PKIB: variants seen among roughly 807,000 people sequenced by gnomAD.
PKIB encodes PKI-beta.
A neutral mutation model predicts 4.5 loss-of-function variants in PKIB; 2 were observed. The observed-to-expected ratio is 0.44, with a 90% CI of 0.18 to 1.39. The LOEUF is 1.39. Ranked by LOEUF, PKIB falls within the 40% of genes most tolerant of loss-of-function variation. The pLI, the probability that PKIB is intolerant of heterozygous loss-of-function variation, is 0.27. For missense variants in PKIB, 94 were observed against 92.6 expected (o/e 1.02, Z -0.06); for synonymous variants, 38 against 36.0 (o/e 1.06, Z -0.20).
chr6:122,548,800 G>T (rs1479362012), intron 2 of PKIB, among the ~76,000 whole-genome samples: 1 of 152,104 alleles, frequency 6.6e-6, no homozygotes. Flanking sequence ...TATTTTGATT[G>T]TGTTTTTATT....
At chr6:122,474,134 AAAAC>A (rs1005739827) in intron 1 of PKIB, among the ~76,000 whole-genome samples, 16 of 152,242 alleles carry the variant, frequency 1.1e-4, no homozygotes, top group African/African-American at 2.2e-4. Context: ...ACTCTGTCTC[AAAAC>A]AAACAAACAA....
Position 122,599,799 on chromosome 6 carries a change from C to T in PKIB, c.-161+13792C>T, listed in dbSNP as rs73549380. Among the ~76,000 whole-genome samples the T allele has an allele frequency of 5.5e-3, 831 of 152,180 alleles. 6 individuals carry two copies. The highest frequency in any genetic ancestry group is 0.018 in the African/African-American group (756 of 41,516). On this transcript the variant is annotated intron_variant, in intron 3 of 6. Transcript: ENST00000392491. ...CTAAGCACTATCAGTGTTCTCTATA[C>T]TATTAGTAGTAGAGTCCCTAGCATT... is the stretch of plus-strand genomic sequence containing the variant.
At chr6:122,639,269 A>G (rs1776039478) in intron 2 of PKIB, among the ~76,000 whole-genome samples, 1 of 152,214 alleles carries the variant, frequency 6.6e-6, no homozygotes, top group African/African-American at 2.4e-5. Flanking sequence ...AAAACAACCA[A>G]CAAACAAAGG....
At position 122,623,869 on chromosome 6, in the gene PKIB, A is replaced by C. The variant is rs539553948; in HGVS notation, c.-160-9414A>C. Among the ~76,000 whole-genome samples, 3 of 151,932 alleles carry C rather than the reference A, an allele frequency of 2.0e-5. No individual in the cohort carries two copies. The South Asian group carries it at 6.2e-4, about 32-fold the overall frequency. On this transcript the variant is annotated intron_variant, in intron 1 of 4. Coordinates refer to ENST00000368452, the MANE Select transcript of PKIB (RefSeq NM_181795.3). ...TTTTACTGTTTCTATCATATATTTC[A>C]TTGGCAGGAGCAATCTGTTTATCTT...
intron 2 of PKIB, among the ~76,000 whole-genome samples, chr6:122,571,543 G>A (rs1773367486): frequency 6.6e-6 from 1 of 152,208 alleles, no homozygotes; most frequent in Non-Finnish European, 1.5e-5. Context: ...CAGACTAACA[G>A]CAGATTTCTC....
intron 2 of PKIB, among the ~76,000 whole-genome samples, chr6:122,573,521 C>CAAAAAAAAAAAAAAAAAA (rs61014475): frequency 1.1e-5 from 1 of 87,590 alleles, no homozygotes; most frequent in African/African-American, 4.3e-5. Context: ...GACTCTGTCT[C>CAAAAAAAAAAAAAAAAAA]AAAAAAAAAA....
chr6:122,646,646 C>G (rs1582772206), intron 2 of PKIB, among the ~76,000 whole-genome samples: 1 of 152,060 alleles, frequency 6.6e-6, no homozygotes, highest in Non-Finnish European at 1.5e-5. Flanking sequence ...TTATTAGATT[C>G]TTTACAATGG....
chr6:122,641,453 T>C (rs1490952517), intron 2 of PKIB, among the ~76,000 whole-genome samples: 1 of 152,052 alleles, frequency 6.6e-6, no homozygotes, highest in Non-Finnish European at 1.5e-5. Context: ...CTTTTGAAAA[T>C]GGCAAAAGCT....
intron 3 of PKIB, among the ~76,000 whole-genome samples, chr6:122,715,429 G>A (rs1779445633): frequency 6.6e-6 from 1 of 151,854 alleles, no homozygotes; most frequent in Non-Finnish European, 1.5e-5. Context: ...GGACAGAGTG[G>A]AGGCCAGAAA....
intron 2 of PKIB, among the ~76,000 whole-genome samples, chr6:122,634,865 C>T (rs2114830724): frequency 6.6e-6 from 1 of 151,728 alleles, no homozygotes; most frequent in Admixed American, 6.6e-5. Flanking sequence ...TGGTGTGAAC[C>T]CGGGAGGCGG....
In PKIB at chr6:122,494,408, G is replaced by T. The variant is rs185498819; in HGVS notation, c.-248+16469G>T. 5.3e-5 allele frequency among the ~76,000 whole-genome samples: 8 copies of T among 152,298 alleles called. No individual in the cohort carries two copies. In the East Asian group the frequency reaches 7.7e-4, roughly 15 times the overall value. On this transcript the variant is annotated intron_variant, in intron 2 of 6. Transcript: ENST00000392491. ...TGGCAGGTGTTCAGAAGTATGTAGG[G>T]CTGTTTTTGTTGTCACAGTAACTGA...
chr6:122,507,796 T>C (rs1335148500), intron 2 of PKIB, among the ~76,000 whole-genome samples: 6 of 151,942 alleles, frequency 3.9e-5, no homozygotes, highest in Non-Finnish European at 8.8e-5. Flanking sequence ...TAACTTTTCC[T>C]CTTTTTTAGG....
chr6:122,678,361 C>T (rs1341499870), intron 3 of PKIB, among the ~76,000 whole-genome samples: 1 of 152,190 alleles, frequency 6.6e-6, no homozygotes, highest in Non-Finnish European at 1.5e-5. Context: ...GACAGGACTT[C>T]TGTTCCTATA....
chr6:122,487,965 T>G (rs192628160), intron 2 of PKIB, among the ~76,000 whole-genome samples: 1 of 152,318 alleles, frequency 6.6e-6, no homozygotes, highest in African/African-American at 2.4e-5. Context: ...AAGTGATATC[T>G]TCCAGGTTTC....
chr6:122,659,901 T>A (rs1166435315), intron 2 of PKIB, among the ~76,000 whole-genome samples: 1 of 152,126 alleles, frequency 6.6e-6, no homozygotes, highest in Non-Finnish European at 1.5e-5. Context: ...GGAACTTTTA[T>A]GTGAAAAGAC....
chr6:122,587,448 T>C lies in PKIB; in HGVS notation c.-161+1441T>C, dbSNP rs1248192737. ...TCATTGTTGGACATTAGGGTTGGTT[T>C]CAAGTCTTTGCTATTGTGAATAGTG... is the stretch of plus-strand genomic sequence containing the variant. On this transcript the variant is annotated intron_variant, in intron 3 of 6. Coordinates refer to the PKIB transcript ENST00000392491. 1.3e-4 allele frequency among the ~76,000 whole-genome samples: 20 copies of C among 152,284 alleles called. No individual in the cohort carries two copies. In the South Asian group the frequency reaches 2.5e-3, roughly 19 times the overall value.
At chr6:122,683,400 C>T (rs900477635) in intron 3 of PKIB, among the ~76,000 whole-genome samples, 23 of 151,974 alleles carry the variant, frequency 1.5e-4, no homozygotes, top group African/African-American at 5.1e-4. Context: ...TCCTAAATTA[C>T]CAGATCTTGA....
chr6:122,494,566 C>T (rs538044681), intron 2 of PKIB, among the ~76,000 whole-genome samples: 2 of 152,240 alleles, frequency 1.3e-5, no homozygotes, highest in Admixed American at 1.3e-4. Context: ...TTTTGTGGTT[C>T]CAGAACAGGT....
At chr6:122,671,701 T>A (rs1777469877) in intron 2 of PKIB, among the ~76,000 whole-genome samples, 1 of 152,234 alleles carries the variant, frequency 6.6e-6, no homozygotes, top group African/African-American at 2.4e-5. Context: ...GATATTTTGT[T>A]CATCATAGAT....
Sources: allele counts gnomAD v4.1 joint callset (sites outside exome capture counted in the v4.1 genomes callset), GRCh38; gene constraint gnomAD v4.1.1; transcripts MANE v1.5; gene names NCBI Gene and HGNC (gene_info 2026-07-23, HGNC 2026-07-21).